The following CFAP92 variants were observed in gnomAD, a reference collection of about 807,000 sequenced individuals.
CFAP92 encodes cilia and flagella associated protein 92 (putative).
CFAP92 carries 86 observed loss-of-function variants against 106.3 expected under a neutral mutation model. The ratio of observed to expected loss-of-function variants is 0.81; its 90% confidence interval spans 0.68 to 0.97. The LOEUF (loss-of-function observed/expected upper bound fraction) is 0.97, where lower values mean the gene tolerates loss of function less well. Among genes scored for constraint, CFAP92 ranks in the 50% least tolerant of loss-of-function variants. The pLI is 0.00. For synonymous variants in CFAP92, 477 were observed against 506.4 expected, an observed-to-expected ratio of 0.94 and a Z score of 0.78; for missense variants, 1,204 against 1,283.8, an observed-to-expected ratio of 0.94 and a Z score of 0.95.
intron 2 of CFAP92, among the ~76,000 whole-genome samples, chr3:128,989,625 A>C (rs1944091517): frequency 6.6e-6 from 1 of 152,200 alleles, no homozygotes; most frequent in Non-Finnish European, 1.5e-5. Flanking sequence ...CTCCAGCTTA[A>C]ACTGCACACT....
At chr3:128,933,460 C>T (rs1247273701) in intron 11 of CFAP92, among the ~76,000 whole-genome samples, 1 of 152,238 alleles carries the variant, frequency 6.6e-6, no homozygotes, top group Non-Finnish European at 1.5e-5. Flanking sequence ...CCCAAAGCCT[C>T]CTCCTGGGTG....
intron 12 of CFAP92, among the ~76,000 whole-genome samples, chr3:128,928,518 G>C (rs62265280): frequency 0.029 from 4,370 of 152,250 alleles, 107 homozygotes; most frequent in South Asian, 0.11. Context: ...TTACATTTAT[G>C]GTCAATTCTT....
Position 128,993,309 on chromosome 3 carries a change from C to CAG in CFAP92, c.-7_-6dup. 1 of 1,611,774 alleles carries CAG rather than the reference C, an allele frequency of 6.2e-7. No homozygotes were observed. Among genetic ancestry groups the CAG allele is most frequent in the Non-Finnish European group, 8.5e-7 (1 of 1,179,070 alleles). On this transcript the variant is annotated 5_prime_UTR_variant, in exon 2 of 16. Transcript: ENST00000645291. ...CTCCCAGGCATGTAGCGACATGCTG[C>CAG]AGAGCGCACTGCTGGCCGCCGGCGC...
chr3:128,983,514 T>C (rs1298750606), intron 4 of CFAP92, among the ~76,000 whole-genome samples: 1 of 152,170 alleles, frequency 6.6e-6, no homozygotes, highest in African/African-American at 2.4e-5. Context: ...TCAATGCCTT[T>C]CATTTCTATC....
chr3:129,003,825 A>T (rs1944922483), upstream of CFAP92: 4 of 1,465,548 alleles, frequency 2.7e-6, no homozygotes, highest in Non-Finnish European at 3.6e-6. Context: ...GCGAGCACCC[A>T]CGAGATGGGG....
intron 12 of CFAP92, among the ~76,000 whole-genome samples, chr3:128,931,780 T>C (rs1158548165): frequency 1.3e-5 from 2 of 151,838 alleles, no homozygotes; most frequent in Non-Finnish European, 2.9e-5. Flanking sequence ...CCCAACACTT[T>C]GGGAGGCCGA....
chr3:128,971,612 C>T (rs1265085596), intron 7 of CFAP92, among the ~76,000 whole-genome samples, 179 bp from the exon 8 acceptor site: 1 of 152,192 alleles, frequency 6.6e-6, no homozygotes, highest in Non-Finnish European at 1.5e-5. Context: ...ATATAGATGG[C>T]AGGCCCGTTG....
chr3:128,988,994 G>T, intron 2 of CFAP92, 76 bp from the exon 3 acceptor site: 2 of 1,167,172 alleles, frequency 1.7e-6, no homozygotes, highest in Non-Finnish European at 1.2e-6. Context: ...GTTCCCTGGA[G>T]CTTGATGTTG....
At chr3:128,922,947 G>A (rs1937416177) in intron 12 of CFAP92, among the ~76,000 whole-genome samples, 1 of 152,204 alleles carries the variant, frequency 6.6e-6, no homozygotes, top group African/African-American at 2.4e-5. Context: ...TTTGCTCTCT[G>A]TGCCTTCTGT....
At position 128,928,201 on chromosome 3, in the gene CFAP92, C is replaced by T. The variant is rs1362562221; in HGVS notation, c.2751+4499G>A. 2.6e-5 allele frequency among the ~76,000 whole-genome samples: 4 copies of T among 151,298 alleles called. No individual in the cohort carries two copies. The South Asian group carries it at 6.3e-4, about 24-fold the overall frequency. On this transcript the variant is annotated intron_variant, in intron 12 of 15. Transcript: ENST00000645291. The stretch of plus-strand genomic sequence containing the variant: ...CTGGGAGGCCAAGCTTGCAGTGAGC[C>T]GAGATCGTGCCACTGCACTCCAGCC...
At chr3:128,910,461 A>G (rs1936155624) in intron 15 of CFAP92, 128 bp from the exon 16 acceptor site, 2 of 928,312 alleles carry the variant, frequency 2.2e-6, no homozygotes, top group Non-Finnish European at 3.2e-6. Flanking sequence ...GACCCACTGT[A>G]TACCAGGATC....
upstream of CFAP92, among the ~76,000 whole-genome samples, chr3:128,995,947 C>T (rs756025254): frequency 5.3e-5 from 8 of 152,228 alleles, no homozygotes; most frequent in South Asian, 2.1e-4. Context: ...GGGGTCTAGT[C>T]TCCTTCTCTG....
upstream of CFAP92, among the ~76,000 whole-genome samples, chr3:129,004,785 A>G (rs1944995568): frequency 1.3e-5 from 2 of 152,110 alleles, no homozygotes; most frequent in African/African-American, 2.4e-5. Flanking sequence ...TCCACTCTGT[A>G]GATGAGGAAA....
chr3:128,978,003 C>T (rs773802631), intron 5 of CFAP92, 42 bp downstream of exon 5: 36 of 1,610,468 alleles, frequency 2.2e-5, no homozygotes, highest in Middle Eastern at 3.3e-4. Context: ...TCCCTGCCAT[C>T]GCCTTGCACT....
At chr3:128,963,289 G>A (rs1163151678) in intron 9 of CFAP92, among the ~76,000 whole-genome samples, 1 of 152,180 alleles carries the variant, frequency 6.6e-6, no homozygotes, top group Non-Finnish European at 1.5e-5. Flanking sequence ...ACACCGTGTA[G>A]CCTTTCTGTC....
At chr3:128,985,411 G>C (rs954085910) in intron 4 of CFAP92, among the ~76,000 whole-genome samples, 3 of 152,200 alleles carry the variant, frequency 2.0e-5, no homozygotes, top group Non-Finnish European at 4.4e-5. Flanking sequence ...GCTGCAGTAA[G>C]CTATGATCAC....
chr3:128,995,326 A>C (rs1164928377), upstream of CFAP92, among the ~76,000 whole-genome samples: 1 of 152,084 alleles, frequency 6.6e-6, no homozygotes, highest in African/African-American at 2.4e-5. Flanking sequence ...AAACAGCCTC[A>C]AGTACAGCTG....
At chr3:128,913,898 G>C (rs1936599846) in intron 15 of CFAP92, among the ~76,000 whole-genome samples, 1 of 152,090 alleles carries the variant, frequency 6.6e-6, no homozygotes, top group Admixed American at 6.6e-5. Context: ...AGTTTGGGGA[G>C]GGGCTGTCAG....
chr3:129,010,496 T>A, the CFAP92 span, among the ~76,000 whole-genome samples: 1 of 58,964 alleles, frequency 1.7e-5, no homozygotes, highest in South Asian at 5.7e-4. This position sits in a 1 kb window ranked among gnomAD's most constrained non-coding sequence, Gnocchi z 4.3. Flanking sequence ...GTGAAAAGGC[T>A]GGGATGGAGG....
Sources: gnomAD v4.1 joint callset for allele counts (sites outside exome capture counted in the v4.1 genomes callset) on GRCh38, gnomAD v4.1.1 for gene constraint, Gnocchi (gnomAD v3.1) non-coding constraint, MANE v1.5 for transcripts, NCBI Gene and HGNC (gene_info 2026-07-23, HGNC 2026-07-21) for gene names.